Variants in ICA1 observed in about 807,000 individuals in gnomAD.
The protein encoded by ICA1 is islet cell autoantigen 1.
ICA1 carries 40 observed loss-of-function variants against 71.0 expected under a neutral mutation model. The observed-to-expected ratio is 0.56, with a 90% confidence interval of 0.44 to 0.73. The LOEUF (loss-of-function observed/expected upper bound fraction) is 0.73, where lower values mean the gene tolerates loss of function less well. Among genes scored for constraint, ICA1 ranks in the 30% least tolerant of loss-of-function variants. The pLI, the probability that ICA1 is intolerant of heterozygous loss-of-function variation, is 0.00. For synonymous variants in ICA1, 207 were observed against 209.5 expected, an observed-to-expected ratio of 0.99 and a Z score of 0.10; for missense variants, 578 against 576.5, an observed-to-expected ratio of 1.00 and a Z score of -0.03.
chr7:8,115,292 C>T (rs569686764), intron 13 of ICA1, among the ~76,000 whole-genome samples: 2 of 152,102 alleles, frequency 1.3e-5, no homozygotes, highest in Non-Finnish European at 2.9e-5. Context: ...CTGGAATCAT[C>T]TGGTTTATCT....
intron 13 of ICA1, 93 bp downstream of exon 13, chr7:8,127,780 A>T: frequency 5.2e-6 from 7 of 1,356,626 alleles, no homozygotes; most frequent in Non-Finnish European, 6.0e-6. Flanking sequence ...AGAAAACATT[A>T]AAAAAGACAA....
chr7:8,114,831 C>T (rs1784278046), intron 13 of ICA1: 1 of 152,254 alleles, frequency 6.6e-6, no homozygotes, highest in Non-Finnish European at 1.5e-5. Context: ...ACATGAGAAT[C>T]TAAGTTCATT....
intron 1 of ICA1, among the ~76,000 whole-genome samples, chr7:8,242,645 C>G (rs1025880865): frequency 1.3e-5 from 2 of 151,862 alleles, no homozygotes; most frequent in Non-Finnish European, 2.9e-5. Context: ...TTGAAAAGAT[C>G]AACAAAATTG....
intron 6 of ICA1, among the ~76,000 whole-genome samples, chr7:8,160,500 G>A (rs1462477116): frequency 1.3e-5 from 2 of 152,188 alleles, no homozygotes; most frequent in East Asian, 1.9e-4. Flanking sequence ...AGCAACTTAG[G>A]CTACTCACTG....
At chr7:8,152,680 T>A (rs1169471873) in intron 8 of ICA1, among the ~76,000 whole-genome samples, 153 of 117,216 alleles carry the variant, frequency 1.3e-3, no homozygotes, top group African/African-American at 5.0e-3. Context: ...ATTATCTCCT[T>A]CATCACCACT....
intron 6 of ICA1, among the ~76,000 whole-genome samples, chr7:8,207,143 T>C (rs1351322013): frequency 6.6e-6 from 1 of 152,218 alleles, no homozygotes; most frequent in Non-Finnish European, 1.5e-5. Context: ...AGCATCTAAA[T>C]GACAATGGTT....
At chr7:8,199,448 C>T (rs757078401) in intron 6 of ICA1, among the ~76,000 whole-genome samples, 85 of 152,174 alleles carry the variant, frequency 5.6e-4, no homozygotes, top group African/African-American at 1.6e-3. Context: ...TGGTGGCTCA[C>T]GCCTGTAACC....
intron 6 of ICA1, among the ~76,000 whole-genome samples, chr7:8,203,922 C>G (rs1009766120): frequency 1.3e-5 from 2 of 152,064 alleles, no homozygotes; most frequent in African/African-American, 4.8e-5. Context: ...AGGATTCAGG[C>G]GCCAGACAGA....
chr7:8,255,830 A>G (rs529784620), intron 1 of ICA1, among the ~76,000 whole-genome samples: 1 of 139,040 alleles, frequency 7.2e-6, no homozygotes, highest in East Asian at 2.1e-4. Context: ...GCTGGAGTGC[A>G]GTGGCACAAT....
chr7:8,147,235 A>C (rs185284928), intron 8 of ICA1, among the ~76,000 whole-genome samples: 28 of 152,126 alleles, frequency 1.8e-4, no homozygotes, highest in African/African-American at 6.5e-4. Flanking sequence ...ACCACACTTG[A>C]GCAGCTCTCA....
chr7:8,128,203 T>C, intron 12 of ICA1, 61 bp from the exon 13 acceptor site: 1 of 1,551,272 alleles, frequency 6.4e-7, no homozygotes, highest in Non-Finnish European at 8.7e-7. Flanking sequence ...CAGGAATCAA[T>C]GCTGTGGGGG....
At chr7:8,229,994 A>G (rs1799769869) in intron 3 of ICA1, among the ~76,000 whole-genome samples, 1 of 152,222 alleles carries the variant, frequency 6.6e-6, no homozygotes, top group South Asian at 2.1e-4. Context: ...AAATTGAGGT[A>G]TAAATTAAAT....
rs910668997 is a variant in ICA1, at chr7:8,234,905, C to T, written c.17+1005G>A. ...CTTTGGCCGGGCGCGGTGGCTCATG[C>T]CTGTAATCCCAGCACTTTGGGAGGC... On this transcript the variant is annotated intron_variant, in intron 2 of 13. Transcript: ENST00000402384. This position sits in a 1 kb window ranked among gnomAD's most constrained non-coding sequence, Gnocchi z 4.5. 1.3e-5 allele frequency among the ~76,000 whole-genome samples: 2 copies of T among 152,120 alleles called. No homozygotes were observed. The highest frequency in any genetic ancestry group is 6.6e-5 in the Admixed American group (1 of 15,266).
intron 6 of ICA1, among the ~76,000 whole-genome samples, chr7:8,217,500 G>A (rs1795765746): frequency 6.6e-6 from 1 of 152,188 alleles, no homozygotes; most frequent in Admixed American, 6.5e-5. Context: ...CATTTGAAGT[G>A]AGTAAGACAG....
In ICA1 at chr7:8,218,697, T is replaced by C. The variant is rs114573539; in HGVS notation, c.381-194A>G. The C allele has an allele frequency of 2.5e-3, 1,501 of 607,522 alleles. 20 individuals carry two copies. The highest frequency in any genetic ancestry group is 0.025 in the African/African-American group (1,334 of 54,200). The allele number at this position is 607,522 out of a possible 1,614,324, so 37.6% of individuals were successfully genotyped here. A position where few individuals can be genotyped will look rare whatever the true frequency, so the allele number is the denominator to read the frequency against. On this transcript the variant is annotated intron_variant, in intron 5 of 13. Transcript: ENST00000402384. ...TTAGTCAGCCAGAGAAGATTATCCA[T>C]GTACCCATCCCTTAGTTTACTGCTA...
intron 6 of ICA1, among the ~76,000 whole-genome samples, chr7:8,165,942 C>T (rs1338710898): frequency 1.3e-5 from 2 of 152,158 alleles, no homozygotes; most frequent in Non-Finnish European, 2.9e-5. Context: ...GTCCATACTG[C>T]CCAAAGCAAT....
At chr7:8,221,226 G>C (rs752445303) in intron 5 of ICA1, 49 bp downstream of exon 5, 1 of 1,609,430 alleles carries the variant, frequency 6.2e-7, no homozygotes, top group Admixed American at 1.7e-5. Context: ...GGTGGGTCCC[G>C]GAGTCTCCTC....
chr7:8,153,162 G>T (rs1323491046), intron 8 of ICA1, among the ~76,000 whole-genome samples: 1 of 152,204 alleles, frequency 6.6e-6, no homozygotes, highest in African/African-American at 2.4e-5. Flanking sequence ...TCCAGAGATT[G>T]TGCTTTTATA....
intron 13 of ICA1, among the ~76,000 whole-genome samples, chr7:8,122,781 C>G (rs538947531): frequency 1.3e-5 from 2 of 152,188 alleles, no homozygotes; most frequent in Non-Finnish European, 2.9e-5. Context: ...TTCGGTAAAA[C>G]AAAAGAATAC....
Sources: allele counts gnomAD v4.1 joint callset (sites outside exome capture counted in the v4.1 genomes callset), GRCh38; gene constraint gnomAD v4.1.1; non-coding constraint Gnocchi (gnomAD v3.1); transcripts MANE v1.5; gene names NCBI Gene and HGNC (gene_info 2026-07-23, HGNC 2026-07-21).